The following CTNNA3 variants were observed in gnomAD, a reference collection of about 807,000 sequenced individuals.
The protein encoded by CTNNA3 is catenin alpha 3.
CTNNA3 carries 76 observed loss-of-function variants against 95.7 expected under a neutral mutation model. The observed-to-expected ratio is 0.79, with a 90% CI of 0.66 to 0.96. The LOEUF is 0.96. CTNNA3 is among the 40% of genes least tolerant of loss of function. The pLI is 0.00. For missense variants in CTNNA3, 1,191 were observed against 1,089.8 expected (o/e 1.09, Z -1.31); for synonymous variants, 431 against 374.4 (o/e 1.15, Z -1.74).
chr10:67,443,494 G>C (rs1846613168), intron 5 of CTNNA3, among the ~76,000 whole-genome samples: 1 of 151,970 alleles, frequency 6.6e-6, no homozygotes, highest in Non-Finnish European at 1.5e-5. Flanking sequence ...CGTTCTAACT[G>C]GTGTGAGATG....
At chr10:67,592,166 AC>A (rs1399068682) in intron 3 of CTNNA3, among the ~76,000 whole-genome samples, 1 of 151,426 alleles carries the variant, frequency 6.6e-6, no homozygotes, top group Non-Finnish European at 1.5e-5. Flanking sequence ...GCCCATAAAA[AC>A]CCCAGACTCA....
chr10:67,446,531 G>A (rs994598243), intron 5 of CTNNA3, among the ~76,000 whole-genome samples: 1 of 151,950 alleles, frequency 6.6e-6, no homozygotes, highest in East Asian at 1.9e-4. Context: ...TTTTTAAAAG[G>A]CTTAATTTTC....
chr10:67,453,711 A>G (rs1239009247), intron 5 of CTNNA3, among the ~76,000 whole-genome samples: 1 of 152,214 alleles, frequency 6.6e-6, no homozygotes, highest in Non-Finnish European at 1.5e-5. Context: ...CAGATAAGAG[A>G]GGAAGAGAAA....
intron 9 of CTNNA3, among the ~76,000 whole-genome samples, chr10:66,737,513 T>A (rs1016560921): frequency 7.2e-5 from 11 of 152,228 alleles, no homozygotes; most frequent in African/African-American, 2.7e-4. Context: ...TTGAATCCTT[T>A]ACAATTTCAA....
At chr10:66,529,720 C>T (rs1297552263) in intron 10 of CTNNA3, among the ~76,000 whole-genome samples, 1 of 152,046 alleles carries the variant, frequency 6.6e-6, no homozygotes, top group Non-Finnish European at 1.5e-5. Flanking sequence ...TGTTTTTCAT[C>T]CCCTGAGAAA....
chr10:67,561,681 A>T (rs1841513692), intron 3 of CTNNA3, among the ~76,000 whole-genome samples: 1 of 151,622 alleles, frequency 6.6e-6, no homozygotes, highest in Non-Finnish European at 1.5e-5. Flanking sequence ...ACCCTGCAAA[A>T]CAATCAATGA....
In CTNNA3 at chr10:65,920,321, A is replaced by C. The variant is rs763644062; in HGVS notation, c.*9T>G. 1.9e-6 allele frequency: 3 copies of C among 1,611,398 alleles called. No homozygotes were observed. The highest frequency in any genetic ancestry group is 2.5e-6 in the Non-Finnish European group (3 of 1,178,382). On this transcript the variant is annotated 3_prime_UTR_variant, in exon 18 of 18. Coordinates refer to ENST00000433211, the MANE Select transcript of CTNNA3 (RefSeq NM_013266.4). ...TTGTCATATAGGCACTATATGTAGAATAGTGGTTTCAGTAGATTTGTCTTC... is the reference window on the plus strand; with the variant it reads ...TTGTCATATAGGCACTATATGTAGACTAGTGGTTTCAGTAGATTTGTCTTC...
At chr10:67,459,639 G>C (rs1847304022) in intron 5 of CTNNA3, among the ~76,000 whole-genome samples, 1 of 152,134 alleles carries the variant, frequency 6.6e-6, no homozygotes, top group Admixed American at 6.5e-5. Context: ...CACTATCTCA[G>C]ATCATAAACT....
At chr10:66,145,765 A>C (rs138320556) in intron 13 of CTNNA3, among the ~76,000 whole-genome samples, 1 of 152,108 alleles carries the variant, frequency 6.6e-6, no homozygotes, top group Non-Finnish European at 1.5e-5. Flanking sequence ...TTTCATAAGC[A>C]TTGCTGCTTA....
At chr10:67,468,685 C>G (rs184160392) in intron 5 of CTNNA3, among the ~76,000 whole-genome samples, 4 of 152,302 alleles carry the variant, frequency 2.6e-5, no homozygotes, top group African/African-American at 9.6e-5. Context: ...GGATTTTTCT[C>G]TCTTTCCCCT....
intron 7 of CTNNA3, among the ~76,000 whole-genome samples, chr10:67,036,471 C>A (rs1456217890): frequency 2.0e-5 from 3 of 152,080 alleles, no homozygotes; most frequent in African/African-American, 7.2e-5. Flanking sequence ...TGAGATCAGC[C>A]TGGCCAACAT....
chr10:66,574,529 T>C (rs1842952232), intron 10 of CTNNA3, among the ~76,000 whole-genome samples: 2 of 152,170 alleles, frequency 1.3e-5, no homozygotes, highest in Non-Finnish European at 2.9e-5. Context: ...AATTTCTTTT[T>C]GGTTGAGTTG....
At chr10:66,298,979 T>C (rs1166973363) in intron 12 of CTNNA3, among the ~76,000 whole-genome samples, 1 of 152,112 alleles carries the variant, frequency 6.6e-6, no homozygotes, top group Non-Finnish European at 1.5e-5. Flanking sequence ...CTCTGCTCAT[T>C]GAGATAAATG....
chr10:66,273,899 G>A (rs1416243264), intron 13 of CTNNA3, among the ~76,000 whole-genome samples: 1 of 152,010 alleles, frequency 6.6e-6, no homozygotes, highest in African/African-American at 2.4e-5. Context: ...CCTAGACTGT[G>A]AATAGAAAGG....
At chr10:66,145,716 T>C (rs1034870305) in intron 13 of CTNNA3, among the ~76,000 whole-genome samples, 5 of 152,214 alleles carry the variant, frequency 3.3e-5, no homozygotes, top group Non-Finnish European at 5.9e-5. Flanking sequence ...TCCAGGGTCA[T>C]CTGGGTTTGT....
At chr10:67,526,532 T>A (rs540827027) in intron 4 of CTNNA3, among the ~76,000 whole-genome samples, 1 of 152,210 alleles carries the variant, frequency 6.6e-6, no homozygotes, top group Non-Finnish European at 1.5e-5. Context: ...CAAGTCATTA[T>A]TATTCCAATT....
intron 11 of CTNNA3, among the ~76,000 whole-genome samples, chr10:66,506,048 A>C (rs1348790375): frequency 1.3e-5 from 2 of 152,116 alleles, no homozygotes; most frequent in East Asian, 3.9e-4. Context: ...GCAGAAGGTG[A>C]TGGGGAGCCA....
intron 17 of CTNNA3, among the ~76,000 whole-genome samples, chr10:65,929,529 C>T (rs2077217913): frequency 6.6e-6 from 1 of 151,832 alleles, no homozygotes; most frequent in African/African-American, 2.4e-5. Context: ...TGTGTATACA[C>T]ATACCCATGC....
chr10:67,355,892 C>G (rs963504507), intron 5 of CTNNA3, among the ~76,000 whole-genome samples: 1 of 151,898 alleles, frequency 6.6e-6, no homozygotes, highest in Non-Finnish European at 1.5e-5. Context: ...CCTTATTCTC[C>G]AAGTCACACT....
Sources: gnomAD v4.1 joint callset for allele counts (sites outside exome capture counted in the v4.1 genomes callset) on GRCh38, gnomAD v4.1.1 for gene constraint, MANE v1.5 for transcripts, NCBI Gene and HGNC (gene_info 2026-07-23, HGNC 2026-07-21) for gene names.